AACS: variants seen among roughly 807,000 people sequenced by gnomAD.
AACS encodes the protein acetoacetate-CoA ligase.
A neutral mutation model predicts 83.1 loss-of-function variants in AACS; 69 were observed. That is an observed-to-expected ratio of 0.83 (90% CI 0.68 to 1.01). AACS has a LOEUF of 1.01. AACS is among the 50% of genes least tolerant of loss of function. The probability of loss-of-function intolerance (pLI) is 0.00; values close to 1 mark genes in which losing one functional copy is unlikely to be tolerated. For missense variants in AACS, 866 were observed against 882.2 expected, an observed-to-expected ratio of 0.98 and a Z score of 0.23; for synonymous variants, 333 against 343.4, an observed-to-expected ratio of 0.97 and a Z score of 0.33.
In AACS at chr12:125,143,254, A is replaced by G. The variant is rs1055602739; in HGVS notation, c.*1025A>G. On this transcript the variant is annotated 3_prime_UTR_variant, in exon 18 of 18. Coordinates refer to ENST00000316519, the MANE Select transcript of AACS (RefSeq NM_023928.5). The stretch of plus-strand genomic sequence containing the variant: ...GAATCATTTTCCTTTTGGATTATAA[A>G]AATATGGGGGAAAGTGCTATGATGA... The G allele has an allele frequency of 1.3e-5, 2 of 152,242 alleles. No individual in the cohort carries two copies. The highest frequency in any genetic ancestry group is 6.5e-5 in the Admixed American group (1 of 15,290). 9.4% of individuals were successfully genotyped at this position (152,242 alleles called of 1,614,324 possible).
intron 14 of AACS, among the ~76,000 whole-genome samples, chr12:125,131,364 A>G (rs1957326667): frequency 6.6e-6 from 1 of 152,040 alleles, no homozygotes; most frequent in Non-Finnish European, 1.5e-5. Context: ...GGTGTGTGCT[A>G]CCATGCCTGG....
rs11058039 is a variant in AACS, at chr12:125,109,897, G to A, written c.915+2629G>A. Among the ~76,000 whole-genome samples, 152 of 152,316 alleles carry A rather than the reference G, an allele frequency of 1.0e-3. 5 individuals carry two copies. In the East Asian group the frequency reaches 0.028, roughly 28 times the overall value. On this transcript the variant is annotated intron_variant, in intron 8 of 17. Transcript: ENST00000316519. Reference sequence around the variant, plus strand: ...GGTGATGCAGCTTTGGTGGGAACACGCTGGAAATGATGTGGTGTTCTTCTC... The same window carrying A: ...GGTGATGCAGCTTTGGTGGGAACACACTGGAAATGATGTGGTGTTCTTCTC...
At chr12:125,069,859 G>A (rs967125864) in intron 1 of AACS, among the ~76,000 whole-genome samples, 37 of 152,342 alleles carry the variant, frequency 2.4e-4, no homozygotes, top group African/African-American at 7.9e-4. Context: ...AGTGCCACAC[G>A]TTAGTGGACG....
intron 5 of AACS, chr12:125,102,341 C>T (rs537045525): frequency 2.0e-4 from 55 of 272,506 alleles, no homozygotes; most frequent in African/African-American, 9.6e-4. Context: ...TGAGCCAGCG[C>T]GCCCGGCCTC....
intron 5 of AACS, among the ~76,000 whole-genome samples, chr12:125,093,940 G>A (rs968785768): frequency 1.3e-5 from 2 of 152,198 alleles, no homozygotes; most frequent in Non-Finnish European, 2.9e-5. Context: ...CACCCAGCGT[G>A]GGAGGGCCTG....
intron 5 of AACS, among the ~76,000 whole-genome samples, chr12:125,099,769 G>C (rs992252367): frequency 1.3e-5 from 2 of 152,090 alleles, no homozygotes; most frequent in African/African-American, 2.4e-5. Context: ...TCTGCCTCCC[G>C]GGCTCAAGCG....
In AACS at chr12:125,099,103, T is replaced by G. The variant is rs566815887; in HGVS notation, c.571-3576T>G. On this transcript the variant is annotated intron_variant, in intron 5 of 17. Transcript: ENST00000316519. ...GAAGTATCCTTCAGTTTCCAGCTGA[T>G]TAAAGCATGGGTTTGGAAAGCATGT... Among the ~76,000 whole-genome samples the G allele has an allele frequency of 4.6e-5, 7 of 152,360 alleles. No homozygotes were observed. In the East Asian group the frequency reaches 7.7e-4, roughly 17 times the overall value.
intron 2 of AACS, 28 bp from the exon 3 acceptor site, chr12:125,076,463 C>T (rs760257829): frequency 7.5e-6 from 12 of 1,610,546 alleles, no homozygotes; most frequent in African/African-American, 2.7e-5. Context: ...CATGTGTGTG[C>T]GTCTTGGTTT....
At chr12:125,110,521 G>T (rs1956932902) in intron 8 of AACS, among the ~76,000 whole-genome samples, 1 of 152,144 alleles carries the variant, frequency 6.6e-6, no homozygotes, top group Non-Finnish European at 1.5e-5. Flanking sequence ...CGACGCCGTG[G>T]CTCCCACCCT....
intron 7 of AACS, among the ~76,000 whole-genome samples, chr12:125,103,986 T>TAAA (rs1565940149): frequency 5.5e-3 from 11 of 1,986 alleles, no homozygotes; most frequent in Non-Finnish European, 0.023. Context: ...AAACTCCGTC[T>TAAA]CAAAAAAAAA....
chr12:125,102,384 G>A, intron 5 of AACS: 1 of 313,558 alleles, frequency 3.2e-6, no homozygotes, highest in South Asian at 3.1e-5. Context: ...GGGTGCTGGG[G>A]ACACAGGGAC....
At chr12:125,107,670 T>C (rs1299524423) in intron 8 of AACS, among the ~76,000 whole-genome samples, 1 of 152,142 alleles carries the variant, frequency 6.6e-6, no homozygotes, top group African/African-American at 2.4e-5. Context: ...ATAGATAATA[T>C]TAGCGCAGTG....
At chr12:125,132,486 C>T (rs1029935072) in intron 14 of AACS, among the ~76,000 whole-genome samples, 3 of 152,184 alleles carry the variant, frequency 2.0e-5, no homozygotes, top group Non-Finnish European at 4.4e-5. Flanking sequence ...TCTCATCTTC[C>T]AGGGCTGCCA....
intron 3 of AACS, among the ~76,000 whole-genome samples, chr12:125,083,120 A>G (rs1358422408): frequency 6.6e-6 from 1 of 152,214 alleles, no homozygotes; most frequent in African/African-American, 2.4e-5. Flanking sequence ...GTGATCACTC[A>G]TCAAGTTGCA....
At chr12:125,106,283 T>C (rs1956832491) in intron 7 of AACS, among the ~76,000 whole-genome samples, 1 of 152,222 alleles carries the variant, frequency 6.6e-6, no homozygotes, top group African/African-American at 2.4e-5. Context: ...TTTCCCAAGA[T>C]GGCTTGTGGC....
Position 125,081,643 on chromosome 12 carries a change from C to T in AACS, c.359-4687C>T, listed in dbSNP as rs572581417. ...GTGCACAATTGCCTTCATGCTCCAG[C>T]GAGTAGAGCAAACAACATGCATTAG... On this transcript the variant is annotated intron_variant, in intron 3 of 17. Coordinates refer to ENST00000316519, the MANE Select transcript of AACS (RefSeq NM_023928.5). Among the ~76,000 whole-genome samples, 6 of 152,262 alleles carry T rather than the reference C, an allele frequency of 3.9e-5. 1 individual carries two copies. The highest frequency in any genetic ancestry group is 1.9e-4 in the East Asian group (1 of 5,190).
intron 5 of AACS, among the ~76,000 whole-genome samples, chr12:125,095,955 G>A (rs1592966922): frequency 2.6e-5 from 4 of 152,158 alleles, no homozygotes; most frequent in East Asian, 1.9e-4. Context: ...GGGTTAGGGA[G>A]TGGATACTAT....
In AACS at chr12:125,143,200, T is replaced by C. The variant is rs1289659195; in HGVS notation, c.*971T>C. ...ATCTGATGTCCATTTTTATATTTTT[T>C]GAAACTGAGCACAATGAAATCCTTT... On this transcript the variant is annotated 3_prime_UTR_variant, in exon 18 of 18. Transcript: ENST00000316519. 1 of 152,264 alleles carries C rather than the reference T, an allele frequency of 6.6e-6. No homozygotes were observed. 9.4% of individuals were successfully genotyped at this position (152,264 alleles called of 1,614,324 possible).
At chr12:125,074,669 T>G (rs1955971361) in intron 2 of AACS, among the ~76,000 whole-genome samples, 1 of 146,188 alleles carries the variant, frequency 6.8e-6, no homozygotes, top group South Asian at 2.2e-4. Context: ...AGTTTTTTTT[T>G]TTTTTTTTTT....
Sources: allele counts gnomAD v4.1 joint callset (sites outside exome capture counted in the v4.1 genomes callset), GRCh38; gene constraint gnomAD v4.1.1; transcripts MANE v1.5; gene names NCBI Gene and HGNC (gene_info 2026-07-23, HGNC 2026-07-21).